Variants in LDLRAD3 observed in about 807,000 individuals in gnomAD.
LDLRAD3 encodes low density lipoprotein receptor class A domain containing 3.
Under a neutral mutation model 29.4 loss-of-function variants are expected in LDLRAD3, and 20 were observed. The ratio of observed to expected loss-of-function variants is 0.68; its 90% CI spans 0.48 to 0.99. LDLRAD3 has a LOEUF of 0.99. LDLRAD3 is among the 50% of genes least tolerant of loss of function. The probability of loss-of-function intolerance (pLI) is 0.00; values close to 1 mark genes in which losing one functional copy is unlikely to be tolerated. For missense variants in LDLRAD3, 420 were observed against 454.3 expected, an observed-to-expected ratio of 0.92 and a Z score of 0.69; for synonymous variants, 157 against 192.7, an observed-to-expected ratio of 0.81 and a Z score of 1.53.
intron 4 of LDLRAD3, among the ~76,000 whole-genome samples, chr11:36,154,498 C>T (rs1854319924): frequency 6.6e-6 from 1 of 152,178 alleles, no homozygotes; most frequent in Non-Finnish European, 1.5e-5. Flanking sequence ...TTGGGAGGCA[C>T]TTTCCCAATC....
intron 3 of LDLRAD3, among the ~76,000 whole-genome samples, chr11:36,082,852 C>T (rs1231804875): frequency 1.3e-5 from 2 of 152,182 alleles, no homozygotes; most frequent in Non-Finnish European, 2.9e-5. Context: ...AATACTGGCC[C>T]AGCTCGCCCA....
Position 35,954,982 on chromosome 11 carries a change from G to A in LDLRAD3, c.46+10838G>A, listed in dbSNP as rs377390683. Among the ~76,000 whole-genome samples, 92 of 152,242 alleles carry A rather than the reference G, an allele frequency of 6.0e-4. 1 individual carries two copies. Among genetic ancestry groups the A allele is most frequent in the African/African-American group, 2.0e-3 (84 of 41,554 alleles). On this transcript the variant is annotated intron_variant, in intron 1 of 5. Transcript: ENST00000315571. ...TTTTATAAAATAACAGTATTAGGCCGGGTGCACTGGCTTACACCTTGGGAG... is the reference window on the plus strand; with the variant it reads ...TTTTATAAAATAACAGTATTAGGCCAGGTGCACTGGCTTACACCTTGGGAG...
intron 1 of LDLRAD3, among the ~76,000 whole-genome samples, chr11:35,947,458 C>T (rs1851071933): frequency 6.6e-6 from 1 of 151,266 alleles, no homozygotes; most frequent in African/African-American, 2.4e-5. Flanking sequence ...TGCAATAAGC[C>T]AAGATCGCGC....
chr11:35,953,209 A>C (rs1380724137), intron 1 of LDLRAD3, among the ~76,000 whole-genome samples: 1 of 152,190 alleles, frequency 6.6e-6, no homozygotes, highest in Admixed American at 6.5e-5. Context: ...TTGACAGACA[A>C]ATAGCGCAGT....
intron 4 of LDLRAD3, among the ~76,000 whole-genome samples, chr11:36,164,299 C>T (rs1330907423): frequency 1.3e-5 from 2 of 152,152 alleles, no homozygotes; most frequent in Non-Finnish European, 2.9e-5. Context: ...TTTAAAATAC[C>T]CAAGTGTTGC....
At chr11:36,116,917 C>T (rs574720163) in intron 4 of LDLRAD3, among the ~76,000 whole-genome samples, 2 of 151,102 alleles carry the variant, frequency 1.3e-5, no homozygotes, top group Non-Finnish European at 2.9e-5. Flanking sequence ...TCTTGGGTCA[C>T]TGCAACCTCT....
chr11:35,978,837 T>C (rs1290482549), intron 1 of LDLRAD3, among the ~76,000 whole-genome samples: 1 of 152,204 alleles, frequency 6.6e-6, no homozygotes, highest in Non-Finnish European at 1.5e-5. Flanking sequence ...AGAGGAGTTA[T>C]TTTAGCTTAA....
chr11:36,229,262 C>T lies in LDLRAD3; in HGVS notation c.903C>T (p.Asn301=). The T allele has an allele frequency of 2.5e-6, 4 of 1,614,140 alleles. No individual in the cohort carries two copies. Among genetic ancestry groups the T allele is most frequent in the Non-Finnish European group, 3.4e-6 (4 of 1,180,006 alleles). ...ACCGCTCCCGGTCCGGGAGTGCCAA[C>T]AGTGCCAGCTCCCAGGCAGCCAGCA... ...PPYRSRSGSA[N]SASSQAASSL... Residue 301 remains asparagine (N), a synonymous_variant, in exon 6 of 6, where the codon AAC becomes AAT. Coordinates refer to ENST00000315571, the MANE Select transcript of LDLRAD3 (RefSeq NM_174902.4).
intron 4 of LDLRAD3, among the ~76,000 whole-genome samples, chr11:36,106,274 C>T (rs1375427493): frequency 6.6e-6 from 1 of 152,170 alleles, no homozygotes; most frequent in Non-Finnish European, 1.5e-5. Flanking sequence ...TCTACAACAG[C>T]CCCAGACCTG....
intron 2 of LDLRAD3, among the ~76,000 whole-genome samples, chr11:36,039,260 C>T (rs186672796): frequency 1.4e-4 from 22 of 152,252 alleles, no homozygotes; most frequent in Admixed American, 3.9e-4. Context: ...TGAGCCACCG[C>T]GCCCGGCCTA....
intron 2 of LDLRAD3, among the ~76,000 whole-genome samples, chr11:36,072,233 T>A (rs1852917477): frequency 2.0e-5 from 3 of 152,154 alleles, no homozygotes; most frequent in African/African-American, 7.2e-5. Flanking sequence ...CAGGAGCTGT[T>A]TCCATAGCCT....
At chr11:36,150,657 A>G (rs2133327274) in intron 4 of LDLRAD3, among the ~76,000 whole-genome samples, 1 of 152,338 alleles carries the variant, frequency 6.6e-6, no homozygotes, top group Non-Finnish European at 1.5e-5. Flanking sequence ...TGGGAGGCTG[A>G]GGCAGGAGAA....
chr11:36,005,115 G>A (rs981451863), intron 1 of LDLRAD3, among the ~76,000 whole-genome samples: 5 of 152,234 alleles, frequency 3.3e-5, no homozygotes, highest in African/African-American at 9.6e-5. Flanking sequence ...AACTTCTGCA[G>A]CAGGGTTGAA....
intron 4 of LDLRAD3, among the ~76,000 whole-genome samples, chr11:36,133,871 C>T (rs1853966511): frequency 6.6e-6 from 1 of 151,936 alleles, no homozygotes; most frequent in South Asian, 2.1e-4. Flanking sequence ...TGGTCCAGTT[C>T]TGCTTGGGTG....
intron 1 of LDLRAD3, among the ~76,000 whole-genome samples, chr11:35,970,179 A>C (rs1046418966): frequency 2.6e-5 from 4 of 152,218 alleles, no homozygotes; most frequent in African/African-American, 9.7e-5. Context: ...GTGTCCCCTG[A>C]AAAGGTACAC....
intron 1 of LDLRAD3, among the ~76,000 whole-genome samples, chr11:35,947,586 G>A (rs1298246268): frequency 6.6e-6 from 1 of 152,016 alleles, no homozygotes; most frequent in East Asian, 1.9e-4. Context: ...CACTATCAGT[G>A]AAGCATCTCC....
intron 1 of LDLRAD3, among the ~76,000 whole-genome samples, chr11:35,996,486 G>A (rs927683638): frequency 2.0e-5 from 3 of 152,186 alleles, no homozygotes. Flanking sequence ...GATATTATGA[G>A]AATTCCCAAA....
Position 36,056,966 on chromosome 11 carries a change from G to A in LDLRAD3, c.193+20717G>A, listed in dbSNP as rs144266441. ...TGGCTCAGTAGGTATGTGGGGTAAGGCTGATTGAATTTCAAACAACCCCCC... is the reference window on the plus strand; with the variant it reads ...TGGCTCAGTAGGTATGTGGGGTAAGACTGATTGAATTTCAAACAACCCCCC... On this transcript the variant is annotated intron_variant, in intron 2 of 5. Transcript: ENST00000315571. 3.5e-3 allele frequency among the ~76,000 whole-genome samples: 539 copies of A among 152,234 alleles called. 4 individuals carry two copies. The highest frequency in any genetic ancestry group is 0.012 in the African/African-American group (497 of 41,524).
rs368231889 is a variant in LDLRAD3 at position 36,213,879 on chromosome 11, G to A, written c.455-13206G>A. On this transcript the variant is annotated intron_variant, in intron 4 of 5. Coordinates refer to ENST00000315571, the MANE Select transcript of LDLRAD3 (RefSeq NM_174902.4). This position sits in a 1 kb window ranked among gnomAD's most constrained non-coding sequence, Gnocchi z 4.1. ...CTGCCATTCAGCACTCCCAAGGCCC[G>A]TTTTAATCTAGTGTGAAGGGTCAGA... 1.5e-4 allele frequency among the ~76,000 whole-genome samples: 23 copies of A among 152,246 alleles called. No individual in the cohort carries two copies. In the East Asian group the frequency reaches 4.1e-3, roughly 27 times the overall value.
Sources: gnomAD v4.1 joint callset for allele counts (sites outside exome capture counted in the v4.1 genomes callset) on GRCh38, gnomAD v4.1.1 for gene constraint, Gnocchi (gnomAD v3.1) non-coding constraint, MANE v1.5 for transcripts, NCBI Gene and HGNC (gene_info 2026-07-23, HGNC 2026-07-21) for gene names.